Variants in MPRIP observed in about 807,000 individuals in gnomAD.
The protein encoded by MPRIP is myosin phosphatase Rho-interacting protein.
In MPRIP, 59 loss-of-function variants were observed where a neutral mutation model predicts 234.9. The ratio of observed to expected loss-of-function variants is 0.25; its 90% confidence interval spans 0.20 to 0.31. The LOEUF (loss-of-function observed/expected upper bound fraction) is 0.31. MPRIP is among the 10% of genes least tolerant of loss of function. MPRIP has a pLI of 1.00. For missense variants in MPRIP, 2,436 were observed against 3,071.0 expected (o/e 0.79, Z 4.89); for synonymous variants, 1,144 against 1,263.9 (o/e 0.91, Z 2.01).
At chr17:17,110,757 T>C (rs925136233) in intron 3 of MPRIP, among the ~76,000 whole-genome samples, 2 of 152,088 alleles carry the variant, frequency 1.3e-5, no homozygotes, top group Non-Finnish European at 2.9e-5. Flanking sequence ...CAAACCCAAA[T>C]TGAGGTGCAG....
Position 17,165,455 on chromosome 17 carries a change from C to G in MPRIP, c.3864C>G (p.Ser1288Arg). Residue 1288 changes from serine (S) to arginine (R), a missense_variant, in exon 16 of 24, where the codon AGC becomes AGG. Physicochemically the swap from Ser to Arg is moderately radical, Grantham distance 110. Around this residue, in one of 4 missense-constraint regions of MPRIP, gnomAD observed 1,998 missense variants for 2,520.3 expected, o/e 0.79. Coordinates refer to ENST00000651222, the MANE Select transcript of MPRIP (RefSeq NM_001364716.4). Reference protein sequence around the residue: ...YGDGSPSREDSMVPPKSVEVL... With the variant: ...YGDGSPSREDRMVPPKSVEVL... Reference sequence around the variant, plus strand: ...ATGGCAGCCCCAGTAGGGAAGACAGCATGGTGCCCCCAAAGTCAGTGGAAG... The same window carrying G: ...ATGGCAGCCCCAGTAGGGAAGACAGGATGGTGCCCCCAAAGTCAGTGGAAG... 7.7e-7 allele frequency: 1 copy of G among 1,304,280 alleles called. No homozygotes were observed. The highest frequency in any genetic ancestry group is 2.1e-4 in the Middle Eastern group (1 of 4,698). The allele number at this position is 1,304,280 out of a possible 1,614,324, so 80.8% of individuals were successfully genotyped here. A position where few individuals can be genotyped will look rare whatever the true frequency, so the allele number is the denominator to read the frequency against.
intron 15 of MPRIP, among the ~76,000 whole-genome samples, chr17:17,163,327 T>C (rs546386580): frequency 6.6e-6 from 1 of 152,298 alleles, no homozygotes; most frequent in African/African-American, 2.4e-5. Context: ...CTTGTTTGTG[T>C]TGTTTTTCCC....
At chr17:17,154,474 A>T (rs2045684156) in intron 13 of MPRIP, 59 bp downstream of exon 13, 1 of 1,451,026 alleles carries the variant, frequency 6.9e-7, no homozygotes, top group Admixed American at 1.7e-5. Context: ...CACTCCCGCC[A>T]GGGCAGTGTC....
chr17:17,145,478 G>GC (rs1233855967), intron 9 of MPRIP, among the ~76,000 whole-genome samples: 3 of 152,166 alleles, frequency 2.0e-5, no homozygotes, highest in African/African-American at 4.8e-5. Context: ...CCTGGGCGCT[G>GC]CCCCCCTGTC....
Position 17,167,102 on chromosome 17 carries a change from G to A in MPRIP, c.5511G>A (p.Leu1837=), listed in dbSNP as rs1472945180. ...GAGGCCTCGGTCAGTATTCTTCATT[G>A]TTGGTTCAGGATGCCATTATTCAGG... The part of the protein sequence containing the change: ...CLGGLGQYSS[L]LVQDAIIQAQ... Residue 1837 remains leucine (L), a synonymous_variant, in exon 16 of 24, where the codon TTG becomes TTA. Coordinates refer to ENST00000651222, the MANE Select transcript of MPRIP (RefSeq NM_001364716.4). The surrounding 1 kb of genome is among the most constrained non-coding windows in gnomAD (Gnocchi z 5.9). 2 of 1,304,072 alleles carry A rather than the reference G, an allele frequency of 1.5e-6. No individual in the cohort carries two copies. Among genetic ancestry groups the A allele is most frequent in the Non-Finnish European group, 2.0e-6 (2 of 988,970 alleles). The allele number at this position is 1,304,072 out of a possible 1,614,324, so 80.8% of individuals were successfully genotyped here.
chr17:17,180,277 A>G (rs1043823004), intron 23 of MPRIP, 189 bp downstream of exon 23: 4 of 608,580 alleles, frequency 6.6e-6, no homozygotes, highest in African/African-American at 1.9e-5. Flanking sequence ...TCTTGGAGCC[A>G]CCTCCTGGCA....
chr17:17,160,805 G>C (rs2045846257), intron 14 of MPRIP, among the ~76,000 whole-genome samples: 1 of 152,184 alleles, frequency 6.6e-6, no homozygotes, highest in African/African-American at 2.4e-5. Context: ...TGTGTGACCA[G>C]CTGAGGACAC....
At chr17:17,083,839 G>C (rs1358052636) in intron 3 of MPRIP, among the ~76,000 whole-genome samples, 1 of 152,152 alleles carries the variant, frequency 6.6e-6, no homozygotes, top group Non-Finnish European at 1.5e-5. Flanking sequence ...CGTCTCCCGG[G>C]TTCAAGTGAT....
chr17:17,075,661 C>A (rs762051590), intron 1 of MPRIP, 49 bp from the exon 2 acceptor site: 2 of 1,528,548 alleles, frequency 1.3e-6, no homozygotes, highest in African/African-American at 2.7e-5. Context: ...CCTGTTCTCT[C>A]TTCTGGGTTG....
chr17:17,156,822 C>T (rs1038391857), intron 13 of MPRIP, among the ~76,000 whole-genome samples: 3 of 152,254 alleles, frequency 2.0e-5, no homozygotes, highest in African/African-American at 7.2e-5. Flanking sequence ...TTAGCGTGCT[C>T]TTACAGTGGA....
chr17:17,124,191 G>A (rs1252480890), intron 3 of MPRIP, among the ~76,000 whole-genome samples: 2 of 152,156 alleles, frequency 1.3e-5, no homozygotes, highest in Admixed American at 6.5e-5. Context: ...AGCAGAGCAG[G>A]GGCTTTGTTC....
chr17:17,142,333 G>T, intron 7 of MPRIP: 1 of 320,208 alleles, frequency 3.1e-6, no homozygotes, highest in Non-Finnish European at 5.9e-6. Flanking sequence ...TGGCTCAGGA[G>T]AGGCTGCCGG....
At chr17:17,089,957 C>T (rs1439155875) in intron 3 of MPRIP, among the ~76,000 whole-genome samples, 1 of 152,128 alleles carries the variant, frequency 6.6e-6, no homozygotes, top group Non-Finnish European at 1.5e-5. Context: ...CTCAAGTCAG[C>T]GTGGAAGCTG....
At chr17:17,065,228 T>C (rs1183624301) in intron 1 of MPRIP, among the ~76,000 whole-genome samples, 1 of 152,222 alleles carries the variant, frequency 6.6e-6, no homozygotes, top group Non-Finnish European at 1.5e-5. Flanking sequence ...GCAAAATATT[T>C]TATCCTACTT....
Position 17,165,879 on chromosome 17 carries a change from C to G in MPRIP, c.4288C>G (p.Arg1430Gly). 1 of 1,304,010 alleles carries G rather than the reference C, an allele frequency of 7.7e-7. No homozygotes were observed. The highest frequency in any genetic ancestry group is 1.2e-5 in the South Asian group (1 of 80,984). 80.8% of individuals were successfully genotyped at this position (1,304,010 alleles called of 1,614,324 possible). The change falls in exon 16 of 24, where the codon CGT becomes GGT. Residue 1430 changes from arginine (R) to glycine (G), a missense_variant. Physicochemically the swap from Arg to Gly is moderately radical, Grantham distance 125. Coordinates refer to ENST00000651222, the MANE Select transcript of MPRIP (RefSeq NM_001364716.4). Reference sequence around the variant, plus strand: ...GTGGGCGGGCACCGAGGCCCAGCTGCGTGAGCAGCTCCGCGCCAGCCTGCT... The same window carrying G: ...GTGGGCGGGCACCGAGGCCCAGCTGGGTGAGCAGCTCCGCGCCAGCCTGCT... The part of the protein sequence containing the change: ...HQWAGTEAQL[R>G]EQLRASLLQV...
intron 14 of MPRIP, 59 bp from the exon 15 acceptor site, chr17:17,161,181 G>A (rs778589199): frequency 8.0e-6 from 10 of 1,245,558 alleles, no homozygotes; most frequent in Admixed American, 1.9e-5. Context: ...TCTGTGCTGT[G>A]CAGCTGCTTT....
intron 3 of MPRIP, among the ~76,000 whole-genome samples, chr17:17,091,155 A>G (rs2089707306): frequency 6.6e-6 from 1 of 151,814 alleles, no homozygotes; most frequent in South Asian, 2.1e-4. Context: ...CCTGGCCCTG[A>G]CTTCCAGTGG....
chr17:17,087,302 T>TA (rs1254112288), intron 3 of MPRIP, among the ~76,000 whole-genome samples: 8 of 152,164 alleles, frequency 5.3e-5, no homozygotes, highest in Non-Finnish European at 8.8e-5. Flanking sequence ...TGTCCCGACT[T>TA]AGAGCCTGGG....
chr17:17,072,696 G>T (rs2089225861), intron 1 of MPRIP, among the ~76,000 whole-genome samples: 1 of 152,104 alleles, frequency 6.6e-6, no homozygotes, highest in African/African-American at 2.4e-5. Context: ...CACGTGGCTG[G>T]CTGTGAGAGG....
Sources: gnomAD v4.1 joint callset for allele counts (sites outside exome capture counted in the v4.1 genomes callset) on GRCh38, gnomAD v4.1.1 for gene constraint, gnomAD v4.1.1 regional missense constraint, Gnocchi (gnomAD v3.1) non-coding constraint, MANE v1.5 for transcripts, NCBI Gene and HGNC (gene_info 2026-07-23, HGNC 2026-07-21) for gene names.